Variants in EPHX3 observed in about 807,000 individuals in gnomAD.
EPHX3 encodes the protein abhydrolase domain containing 9.
Under a neutral mutation model 40.2 loss-of-function variants are expected in EPHX3, and 39 were observed. That is an observed-to-expected ratio of 0.97 (90% CI 0.75 to 1.27). EPHX3 has a LOEUF of 1.27. Among genes scored for constraint, EPHX3 ranks in the 50% most tolerant of loss-of-function variants. The pLI is 0.00. For synonymous variants in EPHX3, 213 were observed against 209.7 expected (o/e 1.02, Z -0.14); for missense variants, 442 against 474.0 (o/e 0.93, Z 0.63).
rs2047126461 is a variant in EPHX3 at position 15,228,059 on chromosome 19, A to T, written c.658T>A (p.Tyr220Asn). 7.4e-7 allele frequency: 1 copy of T among 1,359,100 alleles called. No homozygotes were observed. The highest frequency in any genetic ancestry group is 9.8e-7 in the Non-Finnish European group (1 of 1,020,944). 84.2% of individuals were successfully genotyped at this position (1,359,100 alleles called of 1,614,324 possible). A position where few individuals can be genotyped will look rare whatever the true frequency, so the allele number is the denominator to read the frequency against. Residue 220 changes from tyrosine (Y) to asparagine (N), a missense_variant, in exon 5 of 7, where the codon TAC (tyrosine) becomes AAC (asparagine). By Grantham distance (143) the Tyr-to-Asn change is moderately radical (BLOSUM62 -2). Transcript: ENST00000221730. ...HHISQFFRSH[Y>N]MFLFQLPWLP... ...CAGGGCAGCTGGAACAGGAACATGTAGTGGGAACGGAAGAACTGGCTGATG... is the reference window on the plus strand; with the variant it reads ...CAGGGCAGCTGGAACAGGAACATGTTGTGGGAACGGAAGAACTGGCTGATG...
rs199698308 is a variant in EPHX3 at position 15,227,440 on chromosome 19, G to A, written c.1080C>T (p.Asp360=). 16 of 1,613,774 alleles carry A rather than the reference G, an allele frequency of 9.9e-6. No individual in the cohort carries two copies. In the Admixed American group the frequency reaches 2.3e-4, roughly 24 times the overall value. The change falls in exon 7 of 7, where the codon GAC becomes GAT. Residue 360 remains aspartate (D), a synonymous_variant. Coordinates refer to ENST00000221730, the MANE Select transcript of EPHX3 (RefSeq NM_024794.3). Reference sequence around the variant, plus strand: ...CTGGGCAGGCCAGCAAGGACCACTAGTCCAGCAGGTCTTGCAAGAAGGCCC... The same window carrying A: ...CTGGGCAGGCCAGCAAGGACCACTAATCCAGCAGGTCTTGCAAGAAGGCCC... ...YMWAFLQDLL[D]
intron 2 of EPHX3, 81 bp from the exon 3 acceptor site, chr19:15,231,477 C>T (rs1190407550): frequency 2.7e-6 from 4 of 1,507,892 alleles, no homozygotes; most frequent in Non-Finnish European, 3.6e-6. Flanking sequence ...CAACCATTGG[C>T]AAACCCTCCT....
At chr19:15,228,503 ATTTTTTTTTTT>A (rs780716729) in intron 4 of EPHX3, among the ~76,000 whole-genome samples, 93 of 62,738 alleles carry the variant, frequency 1.5e-3, no homozygotes, top group East Asian at 6.8e-3. Flanking sequence ...TGTATCTATA[ATTTTTTTTTTT>A]TTTTTTTTTT....
upstream of EPHX3, chr19:15,236,410 A>G (rs2047192253): frequency 6.6e-6 from 1 of 151,852 alleles, no homozygotes; most frequent in African/African-American, 2.4e-5. Context: ...ACTTATATCT[A>G]AGAGTATCTG....
At chr19:15,235,848 A>C (rs775045360), upstream of EPHX3, 2 of 152,366 alleles carry the variant, frequency 1.3e-5, no homozygotes, top group African/African-American at 4.8e-5. Context: ...GGTGTGGAGA[A>C]GGCCATGGCT....
Position 15,227,851 on chromosome 19 carries a change from G to A in EPHX3, c.777C>T (p.Ser259=), listed in dbSNP as rs765742968. 10 of 1,614,082 alleles carry A rather than the reference G, an allele frequency of 6.2e-6. No individual in the cohort carries two copies. The highest frequency in any genetic ancestry group is 3.3e-5 in the South Asian group (3 of 91,088). Residue 259 remains serine (S), a synonymous_variant, in exon 6 of 7, where the codon AGC becomes AGT. Coordinates refer to ENST00000221730, the MANE Select transcript of EPHX3 (RefSeq NM_024794.3). The stretch of plus-strand genomic sequence containing the variant: ...AGTTATAAAGGAAGGCCTCGAGCTC[G>A]CTGGGGGTCAAGCATGGGATGCCTG... The part of the protein sequence containing the change: ...RKTGIPCLTP[S]ELEAFLYNFS...
At chr19:15,229,730 T>TA (rs1356812242) in intron 4 of EPHX3, among the ~76,000 whole-genome samples, 1 of 146,942 alleles carries the variant, frequency 6.8e-6, no homozygotes, top group East Asian at 2.0e-4. Flanking sequence ...CCGTCTCTAC[T>TA]AAAATACAAA....
chr19:15,228,542 A>G (rs1474630478), intron 4 of EPHX3, among the ~76,000 whole-genome samples: 2 of 103,558 alleles, frequency 1.9e-5, no homozygotes, highest in Non-Finnish European at 3.5e-5. Flanking sequence ...TTTTTGAGAC[A>G]GAGTCTCGCT....
At chr19:15,232,497 G>A, upstream of EPHX3, 1 of 1,198,972 alleles carries the variant, frequency 8.3e-7, no homozygotes, top group Non-Finnish European at 1.1e-6. Flanking sequence ...GGAAATAAAT[G>A]GGCGGGGCCT....
intron 4 of EPHX3, among the ~76,000 whole-genome samples, chr19:15,229,864 C>T (rs143405440): frequency 2.0e-3 from 163 of 81,738 alleles, no homozygotes; most frequent in Admixed American, 4.5e-3. Context: ...TCCAGCCTGG[C>T]GACAGAGCAA....
intron 4 of EPHX3, among the ~76,000 whole-genome samples, chr19:15,228,660 G>A (rs2047131223): frequency 6.6e-6 from 1 of 151,404 alleles, no homozygotes; most frequent in African/African-American, 2.4e-5. Context: ...TGGGACTACA[G>A]GCACCCGCCA....
rs1343903747 is a variant in EPHX3, at chr19:15,229,724, C to T, written c.616+1238G>A. 1.2e-4 allele frequency among the ~76,000 whole-genome samples: 18 copies of T among 150,424 alleles called. No homozygotes were observed. In the South Asian group the frequency reaches 3.8e-3, roughly 32 times the overall value. On this transcript the variant is annotated intron_variant, in intron 4 of 6. Coordinates refer to ENST00000221730, the MANE Select transcript of EPHX3 (RefSeq NM_024794.3). ...CTTGGCCAACATGGTGAAACCCCGTCTCTACTAAAATACAAAAAATTAGCC... is the reference window on the plus strand; with the variant it reads ...CTTGGCCAACATGGTGAAACCCCGTTTCTACTAAAATACAAAAAATTAGCC...
At chr19:15,231,908 G>C (rs775610373) in intron 1 of EPHX3, 47 bp from the exon 2 acceptor site, 3 of 1,613,020 alleles carry the variant, frequency 1.9e-6, no homozygotes, top group Admixed American at 1.7e-5. Flanking sequence ...TCTCTCCCGA[G>C]GCTTGAACCG....
At position 15,231,308 on chromosome 19, in the gene EPHX3, G is replaced by A. The variant is rs763540237; in HGVS notation, c.418C>T (p.Pro140Ser). 9 of 1,613,954 alleles carry A rather than the reference G, an allele frequency of 5.6e-6. No homozygotes were observed. The highest frequency in any genetic ancestry group is 2.2e-5 in the South Asian group (2 of 91,084). The change falls in exon 3 of 7, where the codon CCT (proline) becomes TCT (serine). Residue 140 changes from proline to serine, a missense_variant. Transcript: ENST00000221730. ...DLRGYGPSDA[P>S]RDVDCYTIDL... is the part of the protein sequence containing the mutation. ...ATTGTGTAGCAGTCCACATCCCGAG[G>A]TGCATCCGAGGGGCCATAGCCTCGC...
At chr19:15,236,095 C>T (rs1018821735), upstream of EPHX3, 2 of 152,166 alleles carry the variant, frequency 1.3e-5, no homozygotes, top group Admixed American at 1.3e-4. Flanking sequence ...ATGCCTGAAC[C>T]ACACCCTCAC....
chr19:15,234,671 C>T (rs1039290583), upstream of EPHX3, among the ~76,000 whole-genome samples: 1 of 152,148 alleles, frequency 6.6e-6, no homozygotes, highest in Non-Finnish European at 1.5e-5. Context: ...CCGGACGTGC[C>T]GTTTTTTGTT....
In EPHX3 at chr19:15,227,345, TG is replaced by T; in HGVS notation, c.*91del. ...AGCGATTCAAGAGTTCACCCATGTA[TG>T]GACATTGTATGGACTCCCAGGCACA... is the stretch of plus-strand genomic sequence containing the variant. On this transcript the variant is annotated 3_prime_UTR_variant, in exon 7 of 7. Transcript: ENST00000221730. 1 of 1,059,524 alleles carries T rather than the reference TG, an allele frequency of 9.4e-7. No homozygotes were observed. The highest frequency in any genetic ancestry group is 1.4e-6 in the Non-Finnish European group (1 of 698,552). The allele number at this position is 1,059,524 out of a possible 1,614,324, so 65.6% of individuals were successfully genotyped here. A position where few individuals can be genotyped will look rare whatever the true frequency, so the allele number is the denominator to read the frequency against.
chr19:15,230,064 C>A (rs1357090993), intron 4 of EPHX3, among the ~76,000 whole-genome samples: 1 of 151,840 alleles, frequency 6.6e-6, no homozygotes, highest in Admixed American at 6.6e-5. Flanking sequence ...ATAATACAAC[C>A]TTCATAAGCC....
intron 2 of EPHX3, 38 bp downstream of exon 2, chr19:15,231,738 G>A (rs1011571951): frequency 6.8e-6 from 11 of 1,606,334 alleles, no homozygotes; most frequent in South Asian, 1.1e-5. Context: ...ACCTGCCCCC[G>A]AGTCCCGTGG....
Sources: allele counts gnomAD v4.1 joint callset (sites outside exome capture counted in the v4.1 genomes callset), GRCh38; gene constraint gnomAD v4.1.1; transcripts MANE v1.5; gene names NCBI Gene and HGNC (gene_info 2026-07-23, HGNC 2026-07-21).